COL27A1: variants seen among roughly 807,000 people sequenced by gnomAD.
The protein encoded by COL27A1 is collagen alpha-1(XXVII) chain.
Under a neutral mutation model 251.3 loss-of-function variants are expected in COL27A1, and 106 were observed. The ratio of observed to expected loss-of-function variants is 0.42; its 90% CI spans 0.36 to 0.50. COL27A1 has a LOEUF of 0.50. Among genes scored for constraint, COL27A1 ranks in the 20% least tolerant of loss-of-function variants. The pLI, the probability that COL27A1 is intolerant of heterozygous loss-of-function variation, is 0.00. For synonymous variants in COL27A1, 1,000 were observed against 986.3 expected (o/e 1.01, Z -0.26); for missense variants, 2,325 against 2,522.8 (o/e 0.92, Z 1.68).
chr9:114,215,791 C>T (rs1830675581), intron 12 of COL27A1, among the ~76,000 whole-genome samples: 1 of 152,198 alleles, frequency 6.6e-6, no homozygotes, highest in South Asian at 2.1e-4. Flanking sequence ...TAAACCCTAA[C>T]TAGTGTAGTG....
intron 5 of COL27A1, among the ~76,000 whole-genome samples, chr9:114,184,386 G>A (rs1425173826): frequency 1.3e-5 from 2 of 152,250 alleles, no homozygotes; most frequent in Non-Finnish European, 2.9e-5. Flanking sequence ...AGCTTGTCTG[G>A]GAGCTTTGGA....
chr9:114,218,951 GTTTT>G (rs10710008), intron 12 of COL27A1, among the ~76,000 whole-genome samples: 28 of 147,864 alleles, frequency 1.9e-4, no homozygotes, highest in Non-Finnish European at 2.7e-4. Flanking sequence ...CATGTGCTTT[GTTTT>G]TTTTTTTTTT....
intron 27 of COL27A1, among the ~76,000 whole-genome samples, chr9:114,253,536 A>G (rs766741155): frequency 1.3e-5 from 2 of 152,148 alleles, no homozygotes; most frequent in Non-Finnish European, 2.9e-5. Context: ...AGAGAAGAGA[A>G]GAGGAGAAAA....
intron 24 of COL27A1, among the ~76,000 whole-genome samples, chr9:114,248,910 G>T (rs1833338243): frequency 6.6e-6 from 1 of 152,164 alleles, no homozygotes. Context: ...ATGTCTGACT[G>T]CTCCCTTGTG....
At position 114,235,547 on chromosome 9, in the gene COL27A1, T is replaced by C. The variant is rs887621396; in HGVS notation, c.2566-52T>C. The C allele has an allele frequency of 2.7e-6, 4 of 1,464,202 alleles. No individual in the cohort carries two copies. In the African/African-American group the frequency reaches 4.2e-5, roughly 15 times the overall value. 90.7% of individuals were successfully genotyped at this position (1,464,202 alleles called of 1,614,324 possible). A position where few individuals can be genotyped will look rare whatever the true frequency, so the allele number is the denominator to read the frequency against. Reference sequence around the variant, plus strand: ...CGCCAGGGGGTCTGTGGGGGAGGCTTCCAGAACCCACGTGGCCTCCATTGT... The same window carrying C: ...CGCCAGGGGGTCTGTGGGGGAGGCTCCCAGAACCCACGTGGCCTCCATTGT... On this transcript the variant is annotated intron_variant, in intron 16 of 60. Coordinates refer to ENST00000356083, the MANE Select transcript of COL27A1 (RefSeq NM_032888.4).
rs768099090 is a variant in COL27A1, at chr9:114,168,629, G to C, written c.1074G>C (p.Lys358Asn). The change falls in exon 3 of 61, where the codon AAG becomes AAC. Residue 358 changes from lysine (K) to asparagine (N), a missense_variant. Physicochemically the swap from Lys to Asn is moderately conservative, Grantham distance 94. Coordinates refer to ENST00000356083, the MANE Select transcript of COL27A1 (RefSeq NM_032888.4). ...PRPAAAQPSQ[K>N]ITATKIPKSL... ...CTGCGGCCGCTCAACCATCACAGAA[G>C]ATCACAGCCACCAAAATCCCCAAAA... 2 of 1,614,154 alleles carry C rather than the reference G, an allele frequency of 1.2e-6. No individual in the cohort carries two copies. Among genetic ancestry groups the C allele is most frequent in the Admixed American group, 1.7e-5 (1 of 60,018 alleles).
chr9:114,163,248 C>T (rs755927517), intron 2 of COL27A1, among the ~76,000 whole-genome samples: 22 of 151,848 alleles, frequency 1.4e-4, no homozygotes, highest in East Asian at 5.8e-4. Flanking sequence ...AAAAAAGAAT[C>T]GCATTTGAAG....
chr9:114,309,619 T>G, intron 60 of COL27A1, 141 bp downstream of exon 60: 1 of 704,240 alleles, frequency 1.4e-6, no homozygotes, highest in Non-Finnish European at 2.3e-6. Flanking sequence ...TGATTTCATC[T>G]TTGTGTAATA....
At chr9:114,179,041 A>T (rs1827694300) in intron 4 of COL27A1, among the ~76,000 whole-genome samples, 1 of 152,108 alleles carries the variant, frequency 6.6e-6, no homozygotes, top group Non-Finnish European at 1.5e-5. Context: ...ACCCTTGGAG[A>T]TCCCCTTAGA....
intron 24 of COL27A1, 85 bp from the exon 25 acceptor site, chr9:114,250,530 G>A: frequency 7.8e-7 from 1 of 1,284,930 alleles, no homozygotes; most frequent in Non-Finnish European, 1.1e-6. Flanking sequence ...GAGACACCTG[G>A]GAGATGAGCT....
intron 10 of COL27A1, among the ~76,000 whole-genome samples, chr9:114,206,637 C>T (rs994054442): frequency 1.3e-5 from 2 of 152,176 alleles, no homozygotes; most frequent in Non-Finnish European, 2.9e-5. Context: ...TGCCTGTCGT[C>T]GAATCTTCAG....
chr9:114,276,078 C>T (rs547118305), intron 37 of COL27A1, among the ~76,000 whole-genome samples: 2 of 152,202 alleles, frequency 1.3e-5, no homozygotes, highest in African/African-American at 4.8e-5. Flanking sequence ...CAAGCTGTGG[C>T]CCTTACCCCT....
Position 114,252,821 on chromosome 9 carries a change from G to A in COL27A1, c.3088-58G>A, listed in dbSNP as rs1403917991. ...CACTGGGGCTGAGCCGACCGAGGTG[G>A]GACTGAAGGAGGAAGCTTCCATAGC... is the stretch of plus-strand genomic sequence containing the variant. On this transcript the variant is annotated intron_variant, in intron 26 of 60. Coordinates refer to ENST00000356083, the MANE Select transcript of COL27A1 (RefSeq NM_032888.4). 5 of 1,557,574 alleles carry A rather than the reference G, an allele frequency of 3.2e-6. No individual in the cohort carries two copies. The East Asian group carries it at 1.1e-4, about 35-fold the overall frequency.
At chr9:114,235,742 G>T (rs1362738178) in intron 17 of COL27A1, 90 bp downstream of exon 17, 2 of 939,916 alleles carry the variant, frequency 2.1e-6, no homozygotes, top group African/African-American at 3.2e-5. Context: ...TCCATCATGA[G>T]CAAGGACCCA....
rs766382533 is a variant in COL27A1, at chr9:114,301,115, C to T, written c.4745C>T (p.Ser1582Leu). 8.1e-6 allele frequency: 13 copies of T among 1,613,454 alleles called. No individual in the cohort carries two copies. The East Asian group carries it at 1.8e-4, about 22-fold the overall frequency. The change falls in exon 52 of 61, where the codon TCG (serine) becomes TTG (leucine). Residue 1582 changes from serine (S) to leucine (L), a missense_variant. By Grantham distance (145) the Ser-to-Leu change is moderately radical. Transcript: ENST00000356083. The part of the protein sequence containing the change: ...IVGPLGILGP[S>L]GLPGPKGDKG... ...GGGCCCCTCGGAATCCTGGGACCTTCGGGACTCCCGGTATGTGTGGGGATT... is the reference window on the plus strand; with the variant it reads ...GGGCCCCTCGGAATCCTGGGACCTTTGGGACTCCCGGTATGTGTGGGGATT...
At chr9:114,286,753 TA>T (rs57153447) in intron 41 of COL27A1, among the ~76,000 whole-genome samples, 56,181 of 151,560 alleles carry the variant, frequency 0.37, 10,882 homozygotes, top group East Asian at 0.65. Flanking sequence ...ATAATAGAAT[TA>T]AAAAAAAATG....
chr9:114,307,461 C>T (rs758600941), intron 58 of COL27A1: 7 of 567,348 alleles, frequency 1.2e-5, no homozygotes, highest in Non-Finnish European at 1.9e-5. Context: ...GCCATGTGAC[C>T]CCTCCTCTGG....
chr9:114,228,653 G>A (rs113313100), intron 14 of COL27A1, among the ~76,000 whole-genome samples: 2,244 of 152,322 alleles, frequency 0.015, 43 homozygotes, highest in African/African-American at 0.048. Flanking sequence ...AATGGGGACA[G>A]TAGTAGACTG....
intron 19 of COL27A1, 141 bp downstream of exon 19, chr9:114,237,856 A>G (rs564321421): frequency 2.9e-6 from 2 of 680,224 alleles, no homozygotes; most frequent in African/African-American, 1.8e-5. Context: ...AGAAACTCCT[A>G]GATCAGCAAT....
Sources: allele counts gnomAD v4.1 joint callset (sites outside exome capture counted in the v4.1 genomes callset), GRCh38; gene constraint gnomAD v4.1.1; transcripts MANE v1.5; gene names NCBI Gene and HGNC (gene_info 2026-07-23, HGNC 2026-07-21).